DTL: variants seen among roughly 807,000 people sequenced by gnomAD.
DTL encodes denticleless E3 ubiquitin protein ligase adapter, also known as denticleless protein homolog.
A neutral mutation model predicts 87.0 loss-of-function variants in DTL; 46 were observed. The ratio of observed to expected loss-of-function variants is 0.53; its 90% CI spans 0.42 to 0.68. The LOEUF is 0.68. Ranked by LOEUF, DTL falls within the 30% of genes least tolerant of loss-of-function variation. DTL has a pLI of 0.00. For synonymous variants in DTL, 308 were observed against 311.2 expected (o/e 0.99, Z 0.11); for missense variants, 737 against 869.4 (o/e 0.85, Z 1.91).
intron 13 of DTL, among the ~76,000 whole-genome samples, chr1:212,090,072 T>C (rs973581291): frequency 6.6e-6 from 1 of 152,218 alleles, no homozygotes; most frequent in African/African-American, 2.4e-5. Context: ...TCTAGAGCGT[T>C]AGTGTGAGAA....
intron 13 of DTL, among the ~76,000 whole-genome samples, chr1:212,084,124 C>G (rs900408578): frequency 6.6e-6 from 1 of 151,840 alleles, no homozygotes; most frequent in Non-Finnish European, 1.5e-5. Context: ...GTCTTTTGCT[C>G]TAAGTCTGGT....
At chr1:212,099,024 C>T (rs1208699838) in intron 13 of DTL, among the ~76,000 whole-genome samples, 1 of 152,156 alleles carries the variant, frequency 6.6e-6, no homozygotes, top group Non-Finnish European at 1.5e-5. Context: ...ATTGGCTGCC[C>T]TCTCCAAAGA....
chr1:212,059,792 A>AC (rs199960588), intron 5 of DTL, among the ~76,000 whole-genome samples: 7,916 of 148,902 alleles, frequency 0.053, 335 homozygotes, highest in East Asian at 0.17. Flanking sequence ...AAAAAAAAAA[A>AC]AAAAAAAAAA....
Position 212,103,025 on chromosome 1 carries a change from A to C in DTL, c.*85A>C. The C allele has an allele frequency of 2.6e-6, 2 of 759,716 alleles. No homozygotes were observed. The highest frequency in any genetic ancestry group is 4.3e-6 in the Non-Finnish European group (2 of 460,816). 47.1% of individuals were successfully genotyped at this position (759,716 alleles called of 1,614,324 possible). On this transcript the variant is annotated 3_prime_UTR_variant, in exon 15 of 15. Transcript: ENST00000366991. ...ACTAAAACAAGATGAAAAATACAAGAGTGACTCTATAACTCTGGTCTTTAA... is the reference window on the plus strand; with the variant it reads ...ACTAAAACAAGATGAAAAATACAAGCGTGACTCTATAACTCTGGTCTTTAA...
At chr1:212,101,122 T>A in intron 14 of DTL, 38 bp downstream of exon 14, 2 of 1,423,208 alleles carry the variant, frequency 1.4e-6, no homozygotes, top group Non-Finnish European at 1.9e-6. Flanking sequence ...TTTCCTAACT[T>A]AAAAGGGGCC....
chr1:212,087,315 C>T lies in DTL; in HGVS notation c.1261+6565C>T, dbSNP rs571360818. 3.4e-4 allele frequency among the ~76,000 whole-genome samples: 52 copies of T among 152,056 alleles called. No individual in the cohort carries two copies. In the South Asian group the frequency reaches 8.9e-3, roughly 26 times the overall value. ...CTGTAATCCCAGCACTTTGGGAGGC[C>T]GAGTGGGTGGATCACGAGGTCAGGA... is the stretch of plus-strand genomic sequence containing the variant. On this transcript the variant is annotated intron_variant, in intron 13 of 14. Transcript: ENST00000366991.
intron 3 of DTL, among the ~76,000 whole-genome samples, chr1:212,045,924 TTTGTTGTTG>T (rs10636026): frequency 2.1e-3 from 318 of 150,756 alleles, no homozygotes; most frequent in African/African-American, 6.3e-3. Flanking sequence ...TGTTTTTGGT[TTTGTTGTTG>T]TTGTTGTTGT....
chr1:212,099,209 C>T (rs1278562994), intron 13 of DTL, among the ~76,000 whole-genome samples: 2 of 151,578 alleles, frequency 1.3e-5, no homozygotes, highest in African/African-American at 4.9e-5. Flanking sequence ...CTTTACCCCT[C>T]TCACACTGTT....
intron 13 of DTL, among the ~76,000 whole-genome samples, chr1:212,091,972 A>G (rs1216053098): frequency 6.6e-6 from 1 of 152,184 alleles, no homozygotes; most frequent in Admixed American, 6.5e-5. Flanking sequence ...CTCCTTTTTT[A>G]AAAAATTTCA....
At chr1:212,078,099 C>G in intron 11 of DTL, 74 bp from the exon 12 acceptor site, 1 of 909,968 alleles carries the variant, frequency 1.1e-6, no homozygotes, top group South Asian at 1.4e-5. Context: ...CTAAGACACA[C>G]TTCTGAATTC....
In DTL at chr1:212,066,803, T is replaced by C. The variant is rs1167542409; in HGVS notation, c.640-9T>C. On this transcript the variant is annotated splice_polypyrimidine_tract_variant and intron_variant, in intron 7 of 14. Transcript: ENST00000366991. Reference sequence around the variant, plus strand: ...AAGATAGAATCTTCTTCTTTTCTTGTGCTATCAGGATTTCCAGCAAAGTGT... The same window carrying C: ...AAGATAGAATCTTCTTCTTTTCTTGCGCTATCAGGATTTCCAGCAAAGTGT... 7 of 1,612,670 alleles carry C rather than the reference T, an allele frequency of 4.3e-6. No individual in the cohort carries two copies. The highest frequency in any genetic ancestry group is 5.9e-6 in the Non-Finnish European group (7 of 1,178,842).
rs140965484 is a variant in DTL, at chr1:212,083,987, A to G, written c.1261+3237A>G. Among the ~76,000 whole-genome samples the G allele has an allele frequency of 7.5e-4, 114 of 152,212 alleles. 1 individual carries two copies. Among genetic ancestry groups the G allele is most frequent in the African/African-American group, 1.9e-3 (80 of 41,532 alleles). ...GCTTGAGTTTTAAGCTTAAAGATTCATTTTACTTCAGCCATCAAGGCCTAA... is the reference window on the plus strand; with the variant it reads ...GCTTGAGTTTTAAGCTTAAAGATTCGTTTTACTTCAGCCATCAAGGCCTAA... On this transcript the variant is annotated intron_variant, in intron 13 of 14. Coordinates refer to ENST00000366991, the MANE Select transcript of DTL (RefSeq NM_016448.4).
At chr1:212,055,842 C>T (rs1668157062) in intron 5 of DTL, among the ~76,000 whole-genome samples, 1 of 152,200 alleles carries the variant, frequency 6.6e-6, no homozygotes, top group African/African-American at 2.4e-5. Context: ...CGCCACTACC[C>T]AAGCACACCC....
intron 5 of DTL, among the ~76,000 whole-genome samples, chr1:212,060,178 A>G (rs1349864204): frequency 6.6e-6 from 1 of 152,236 alleles, no homozygotes; most frequent in Non-Finnish European, 1.5e-5. Flanking sequence ...ACAATCTTAA[A>G]ATTTATGTGG....
chr1:212,080,525 AG>A, intron 12 of DTL, 89 bp from the exon 13 acceptor site: 1 of 1,158,528 alleles, frequency 8.6e-7, no homozygotes, highest in Non-Finnish European at 1.2e-6. Flanking sequence ...ATAATTATCC[AG>A]TCACAAGGCC....
chr1:212,075,471 C>T lies in DTL; in HGVS notation c.1036-2702C>T, dbSNP rs182771275. On this transcript the variant is annotated intron_variant, in intron 11 of 14. Transcript: ENST00000366991. ...AAGGAAGCTTTAAAAAATGAAGTTA[C>T]GTAATTATGATAGTGTTCTTATAAT... 8.1e-4 allele frequency among the ~76,000 whole-genome samples: 123 copies of T among 151,986 alleles called. No homozygotes were observed. In the South Asian group the frequency reaches 0.011, roughly 14 times the overall value.
chr1:212,059,773 ACT>A (rs1402623241), intron 5 of DTL, among the ~76,000 whole-genome samples: 7 of 85,140 alleles, frequency 8.2e-5, no homozygotes, highest in African/African-American at 2.9e-4. Context: ...AAACTTAAAG[ACT>A]CTACAAAAAA....
At chr1:212,074,249 A>ATG (rs1364198261) in intron 11 of DTL, among the ~76,000 whole-genome samples, 1 of 151,026 alleles carries the variant, frequency 6.6e-6, no homozygotes, top group East Asian at 1.9e-4. Context: ...ATACATAATT[A>ATG]TGTGTATAAT....
chr1:212,037,060 TG>T (rs1337543576), intron 1 of DTL, among the ~76,000 whole-genome samples: 2 of 152,238 alleles, frequency 1.3e-5, no homozygotes, highest in African/African-American at 4.8e-5. Flanking sequence ...GGACCTTGTT[TG>T]AGTAACTTCT....
Sources: gnomAD v4.1 joint callset for allele counts (sites outside exome capture counted in the v4.1 genomes callset) on GRCh38, gnomAD v4.1.1 for gene constraint, MANE v1.5 for transcripts, NCBI Gene and HGNC (gene_info 2026-07-23, HGNC 2026-07-21) for gene names.